Variants in ACSS1 observed in about 807,000 individuals in gnomAD.
The protein encoded by ACSS1 is acetyl-coenzyme A synthetase 2-like, mitochondrial.
A neutral mutation model predicts 75.3 loss-of-function variants in ACSS1; 42 were observed. The observed-to-expected ratio is 0.56, with a 90% CI of 0.44 to 0.72. The LOEUF is 0.72. Ranked by LOEUF, ACSS1 falls within the 30% of genes least tolerant of loss-of-function variation. The pLI, the probability that ACSS1 is intolerant of heterozygous loss-of-function variation, is 0.00. For synonymous variants in ACSS1, 380 were observed against 376.8 expected, an observed-to-expected ratio of 1.01 and a Z score of -0.10; for missense variants, 782 against 935.7, an observed-to-expected ratio of 0.84 and a Z score of 2.14.
intron 3 of ACSS1, among the ~76,000 whole-genome samples, chr20:25,027,104 T>C (rs1017642275): frequency 6.6e-6 from 1 of 152,256 alleles, no homozygotes. Flanking sequence ...TGTCACTTAC[T>C]AGGTATGTGA....
intron 7 of ACSS1, among the ~76,000 whole-genome samples, chr20:25,018,095 A>G (rs921359460): frequency 1.3e-5 from 2 of 152,184 alleles, no homozygotes; most frequent in African/African-American, 2.4e-5. Context: ...GTCCCCTCCA[A>G]ATCTCACGCT....
intron 3 of ACSS1, among the ~76,000 whole-genome samples, chr20:25,026,589 T>C (rs958917581): frequency 1.6e-4 from 25 of 152,174 alleles, no homozygotes; most frequent in Non-Finnish European, 3.1e-4. Flanking sequence ...AAAACAGCCA[T>C]TCCCCTGTCC....
In ACSS1 at chr20:25,006,692, T is replaced by G; in HGVS notation, c.*1070A>C. The G allele has an allele frequency of 9.7e-7, 1 of 1,034,644 alleles. No individual in the cohort carries two copies. 64.1% of individuals were successfully genotyped at this position (1,034,644 alleles called of 1,614,324 possible). A position where few individuals can be genotyped will look rare whatever the true frequency, so the allele number is the denominator to read the frequency against. ...GCAGGGAGGTAAGCACCCACTGGCG[T>G]CGTGATTTCCATTATCTTGCTAATG... On this transcript the variant is annotated 3_prime_UTR_variant, in exon 14 of 14. Coordinates refer to ENST00000323482, the MANE Select transcript of ACSS1 (RefSeq NM_032501.4).
In ACSS1 at chr20:25,006,507, C is replaced by T. The variant is rs207477521; in HGVS notation, c.*1255G>A. 2.4e-5 allele frequency: 6 copies of T among 246,680 alleles called. No individual in the cohort carries two copies. Among genetic ancestry groups the T allele is most frequent in the East Asian group, 9.1e-5 (1 of 11,006 alleles). 15.3% of individuals were successfully genotyped at this position (246,680 alleles called of 1,614,324 possible). A position where few individuals can be genotyped will look rare whatever the true frequency, so the allele number is the denominator to read the frequency against. ...CCCAAGAGGCCAGCACAACCACGAC[C>T]GAGTGGGTACTCAGTGGCCCAGACA... On this transcript the variant is annotated 3_prime_UTR_variant, in exon 14 of 14. Transcript: ENST00000323482.
intron 1 of ACSS1, among the ~76,000 whole-genome samples, chr20:25,048,516 T>C (rs1371233704): frequency 6.6e-6 from 1 of 152,130 alleles, no homozygotes; most frequent in East Asian, 1.9e-4. Flanking sequence ...AAAGCCCCCA[T>C]GGTTGGTTCT....
intron 1 of ACSS1, among the ~76,000 whole-genome samples, chr20:25,052,357 C>T (rs2089186631): frequency 6.6e-6 from 1 of 152,192 alleles, no homozygotes. Flanking sequence ...ACTCCACCTC[C>T]TATTTCCGGC....
intron 2 of ACSS1, among the ~76,000 whole-genome samples, chr20:25,033,767 T>A (rs1326373749): frequency 6.6e-6 from 1 of 152,144 alleles, no homozygotes; most frequent in Non-Finnish European, 1.5e-5. Context: ...GTACAGCCAC[T>A]GGGGGTGGCA....
At chr20:25,057,571 C>G (rs2089260516) in intron 1 of ACSS1, among the ~76,000 whole-genome samples, 198 bp downstream of exon 1, 2 of 152,124 alleles carry the variant, frequency 1.3e-5, no homozygotes, top group Non-Finnish European at 2.9e-5. Flanking sequence ...GCACGTGGAT[C>G]TGGGGCCCGA....
At chr20:25,034,540 T>C (rs1309342385) in intron 2 of ACSS1, among the ~76,000 whole-genome samples, 1 of 151,936 alleles carries the variant, frequency 6.6e-6, no homozygotes, top group Non-Finnish European at 1.5e-5. Context: ...TGAATGTGGG[T>C]ACCCAGACCC....
intron 2 of ACSS1, among the ~76,000 whole-genome samples, chr20:25,044,846 C>T (rs1256935676): frequency 6.6e-6 from 1 of 152,214 alleles, no homozygotes; most frequent in Non-Finnish European, 1.5e-5. Context: ...GGAAATGGAG[C>T]TGGGACCCTG....
At chr20:25,034,326 C>A (rs2088874615) in intron 2 of ACSS1, among the ~76,000 whole-genome samples, 1 of 152,198 alleles carries the variant, frequency 6.6e-6, no homozygotes, top group African/African-American at 2.4e-5. Context: ...TTAGTCCTAC[C>A]TCAGACCTTT....
chr20:25,013,464 A>C, intron 10 of ACSS1, 72 bp downstream of exon 10: 3 of 1,525,782 alleles, frequency 2.0e-6, no homozygotes, highest in Non-Finnish European at 2.7e-6. Flanking sequence ...ATCCCATTAA[A>C]AATGTTTTCT....
intron 9 of ACSS1, 112 bp from the exon 10 acceptor site, chr20:25,013,774 C>G (rs1179885314): frequency 1.4e-6 from 2 of 1,449,940 alleles, no homozygotes; most frequent in Middle Eastern, 2.5e-4. Flanking sequence ...CCCTCTGCCC[C>G]TGAGGAGGGC....
At chr20:25,047,611 A>G (rs374832277) in intron 2 of ACSS1, among the ~76,000 whole-genome samples, 156 of 152,268 alleles carry the variant, frequency 1.0e-3, no homozygotes, top group Non-Finnish European at 2.1e-3. Context: ...GTTTAGGGGC[A>G]CAGTGGGCCT....
chr20:25,006,819 G>A lies in ACSS1; in HGVS notation c.*943C>T, dbSNP rs1434280724. On this transcript the variant is annotated 3_prime_UTR_variant, in exon 14 of 14. Transcript: ENST00000323482. ...GTTCTCACCGCCCCAACCACAGAGT[G>A]AAGGTCAGGCAGCGTTTGCCAGGAT... is the stretch of plus-strand genomic sequence containing the variant. 2 of 1,534,982 alleles carry A rather than the reference G, an allele frequency of 1.3e-6. No individual in the cohort carries two copies. Among genetic ancestry groups the A allele is most frequent in the African/African-American group, 2.7e-5 (2 of 73,042 alleles).
Position 25,030,921 on chromosome 20 carries a change from G to C in ACSS1, c.469C>G (p.Leu157Val). ...CCACGGTGGACTCCATGCCTCTTCAGCGTGTTGGCCAGGCGGCACGTGGTC... is the reference window on the plus strand; with the variant it reads ...CCACGGTGGACTCCATGCCTCTTCACCGTGTTGGCCAGGCGGCACGTGGTC... ...LETTCRLANT[L>V]KRHGVHRGDR... Residue 157 changes from leucine (L) to valine (V), a missense_variant, in exon 3 of 14, where the codon CTG (leucine) becomes GTG (valine). By Grantham distance (32) the Leu-to-Val change is conservative (BLOSUM62 1). Coordinates refer to ENST00000323482, the MANE Select transcript of ACSS1 (RefSeq NM_032501.4). 1.2e-6 allele frequency: 2 copies of C among 1,614,228 alleles called. No homozygotes were observed. Among genetic ancestry groups the C allele is most frequent in the Admixed American group, 3.3e-5 (2 of 60,032 alleles).
At chr20:25,042,463 C>A (rs1331320597) in intron 2 of ACSS1, among the ~76,000 whole-genome samples, 1 of 152,188 alleles carries the variant, frequency 6.6e-6, no homozygotes, top group African/African-American at 2.4e-5. Flanking sequence ...ACCATGGGAG[C>A]CCCACAGACC....
intron 6 of ACSS1, 65 bp downstream of exon 6, chr20:25,021,324 C>T: frequency 6.4e-7 from 1 of 1,573,190 alleles, no homozygotes; most frequent in Non-Finnish European, 8.6e-7. Context: ...CTCCACAAGC[C>T]TCGAGCCTCA....
rs768068902 is a variant in ACSS1 at position 25,046,917 on chromosome 20, G to A, written c.431+1168C>T. The A allele has an allele frequency of 2.6e-5, 20 of 779,466 alleles. No homozygotes were observed. The Middle Eastern group carries it at 6.7e-4, about 26-fold the overall frequency. The allele number at this position is 779,466 out of a possible 1,614,324, so 48.3% of individuals were successfully genotyped here. ...GCTGTATAGGCTGTGAGTCTGGCTGGTGGGGGAGACGGGTCAGCAAAGGAG... is the reference window on the plus strand; with the variant it reads ...GCTGTATAGGCTGTGAGTCTGGCTGATGGGGGAGACGGGTCAGCAAAGGAG... On this transcript the variant is annotated intron_variant, in intron 2 of 13. Coordinates refer to ENST00000323482, the MANE Select transcript of ACSS1 (RefSeq NM_032501.4).
Sources: gnomAD v4.1 joint callset for allele counts (sites outside exome capture counted in the v4.1 genomes callset) on GRCh38, gnomAD v4.1.1 for gene constraint, MANE v1.5 for transcripts, NCBI Gene and HGNC (gene_info 2026-07-23, HGNC 2026-07-21) for gene names.